The following KHDRBS1 variants were observed in gnomAD, a reference collection of about 807,000 sequenced individuals.
KHDRBS1 encodes the protein KH domain-containing, RNA-binding, signal transduction-associated protein 1.
Under a neutral mutation model 48.4 loss-of-function variants are expected in KHDRBS1, and 7 were observed. The ratio of observed to expected loss-of-function variants is 0.14; its 90% confidence interval spans 0.08 to 0.27. The LOEUF (loss-of-function observed/expected upper bound fraction) is 0.27. KHDRBS1 is among the 10% of genes least tolerant of loss of function. The pLI, the probability that KHDRBS1 is intolerant of heterozygous loss-of-function variation, is 1.00. For missense variants in KHDRBS1, 458 were observed against 601.2 expected (o/e 0.76, Z 2.49); for synonymous variants, 241 against 235.8 (o/e 1.02, Z -0.20).
chr1:32,031,572 A>C lies in KHDRBS1; in HGVS notation c.556A>C (p.Arg186=). The C allele has an allele frequency of 6.2e-7, 1 of 1,611,430 alleles. No homozygotes were observed. Among genetic ancestry groups the C allele is most frequent in the Non-Finnish European group, 8.5e-7 (1 of 1,179,252 alleles). ...TGGACCACAAGGGAATACAATCAAA[A>C]GACTGCAGGAAGAGACTGGTGCAAA... ...ILGPQGNTIK[R]LQEETGAKIS... The change falls in exon 3 of 9, where the codon AGA becomes CGA. Residue 186 remains arginine, a synonymous_variant. Coordinates refer to ENST00000327300, the MANE Select transcript of KHDRBS1 (RefSeq NM_006559.3).
intron 8 of KHDRBS1, among the ~76,000 whole-genome samples, chr1:32,041,567 G>A (rs1557898154): frequency 6.7e-6 from 1 of 150,300 alleles, no homozygotes; most frequent in Non-Finnish European, 1.5e-5. Context: ...CTTAAGAAAG[G>A]AGATAAGGAA....
Position 32,030,339 on chromosome 1 carries a change from G to A in KHDRBS1, c.424G>A (p.Glu142Lys), listed in dbSNP as rs1639058122. The change falls in exon 2 of 9, where the codon GAG (glutamate) becomes AAG (lysine). Residue 142 changes from glutamate to lysine, a missense_variant. By Grantham distance (56) the Glu-to-Lys change is moderately conservative. Around this residue, in one of 3 missense-constraint regions of KHDRBS1, gnomAD observed 213 missense variants for 215.6 expected, o/e 0.99. Transcript: ENST00000327300. Reference sequence around the variant, plus strand: ...GAAAGGAGACTCAAAAAAGGATGATGAGGAGAATTACTTGGATTTATTTTC... The same window carrying A: ...GAAAGGAGACTCAAAAAAGGATGATAAGGAGAATTACTTGGATTTATTTTC... ...IQKGDSKKDD[E>K]ENYLDLFSHK... The A allele has an allele frequency of 6.2e-7, 1 of 1,611,344 alleles. No individual in the cohort carries two copies. Among genetic ancestry groups the A allele is most frequent in the Non-Finnish European group, 8.5e-7 (1 of 1,178,202 alleles).
chr1:32,023,751 TGAAAAA>T (rs759739755), intron 1 of KHDRBS1, among the ~76,000 whole-genome samples: 37 of 152,134 alleles, frequency 2.4e-4, no homozygotes, highest in Admixed American at 9.2e-4. Context: ...CATACAGAGT[TGAAAAA>T]GAAAAAAGAA....
intron 6 of KHDRBS1, 40 bp from the exon 7 acceptor site, chr1:32,038,512 T>C: frequency 1.3e-6 from 2 of 1,596,908 alleles, no homozygotes; most frequent in Non-Finnish European, 1.7e-6. Flanking sequence ...TCTCTATGAT[T>C]TTGATCTTTT....
At chr1:32,056,223 AC>A (rs1252399638) in intron 10 of KHDRBS1, among the ~76,000 whole-genome samples, 1 of 117,702 alleles carries the variant, frequency 8.5e-6, no homozygotes, top group African/African-American at 3.4e-5. Flanking sequence ...ACACAAGCTA[AC>A]CCCATCCTTA....
chr1:32,032,250 G>A (rs560962571), intron 3 of KHDRBS1, among the ~76,000 whole-genome samples: 1 of 152,208 alleles, frequency 6.6e-6, no homozygotes, highest in South Asian at 2.1e-4. Flanking sequence ...AGCCTTCTGG[G>A]GTCACCTTAT....
At position 32,036,767 on chromosome 1, in the gene KHDRBS1, T is replaced by C. The variant is rs900797231; in HGVS notation, c.772-143T>C. ...CAAAGAGGTGACAGATAGGGTGCCA[T>C]TTGACTTCAGAGAAGGAATGACCTG... On this transcript the variant is annotated intron_variant, in intron 4 of 8. Transcript: ENST00000327300. The C allele has an allele frequency of 5.2e-6, 4 of 767,582 alleles. No individual in the cohort carries two copies. In the East Asian group the frequency reaches 8.3e-5, roughly 16 times the overall value. 47.5% of individuals were successfully genotyped at this position (767,582 alleles called of 1,614,324 possible).
intron 1 of KHDRBS1, among the ~76,000 whole-genome samples, chr1:32,016,484 T>C (rs974249651): frequency 2.0e-5 from 3 of 151,928 alleles, no homozygotes; most frequent in African/African-American, 7.3e-5. Context: ...GGACAAAATA[T>C]TAAAATCTAT....
intron 1 of KHDRBS1, among the ~76,000 whole-genome samples, chr1:32,016,684 C>T (rs1281417212): frequency 6.6e-6 from 1 of 152,176 alleles, no homozygotes; most frequent in Non-Finnish European, 1.5e-5. Context: ...GAGCACTCTT[C>T]CTGTACCACC....
chr1:32,033,486 C>A, intron 4 of KHDRBS1, 152 bp downstream of exon 4: 1 of 1,005,502 alleles, frequency 9.9e-7, no homozygotes, highest in Non-Finnish European at 1.4e-6. Flanking sequence ...TAGTTCGTTA[C>A]TTGCACCTAG....
intron 1 of KHDRBS1, among the ~76,000 whole-genome samples, chr1:32,016,622 G>A (rs947447721): frequency 1.6e-4 from 24 of 152,140 alleles, no homozygotes; most frequent in African/African-American, 5.6e-4. Flanking sequence ...GCTTGGGACT[G>A]TGGCTCCTCC....
rs34505125 is a variant in KHDRBS1, at chr1:32,017,600, CTTT to C, written c.382+3245_382+3247del. Among the ~76,000 whole-genome samples, 9 of 73,812 alleles carry C rather than the reference CTTT, an allele frequency of 1.2e-4. No individual in the cohort carries two copies. The East Asian group carries it at 2.2e-3, about 18-fold the overall frequency. The allele number at this position is 73,812 out of a possible 152,430, so 48.4% of individuals were successfully genotyped here. ...TATAGATACCAGTGTTCTTTTTCTACTTTTTTTTTTTTTTTTTTTTTTTTGAGA... is the reference window on the plus strand; with the variant it reads ...TATAGATACCAGTGTTCTTTTTCTACTTTTTTTTTTTTTTTTTTTTTGAGA... On this transcript the variant is annotated intron_variant, in intron 1 of 8. Coordinates refer to ENST00000327300, the MANE Select transcript of KHDRBS1 (RefSeq NM_006559.3).
intron 3 of KHDRBS1, 40 bp from the exon 4 acceptor site, chr1:32,033,148 C>T (rs762885104): frequency 9.5e-6 from 15 of 1,580,892 alleles, no homozygotes; most frequent in Non-Finnish European, 1.3e-5. Context: ...GTGTTTTCTC[C>T]CTAGTCCATG....
rs552463105 is a variant in KHDRBS1, at chr1:32,056,035, A to G, written n.1302-4128A>G. 1.1e-3 allele frequency among the ~76,000 whole-genome samples: 172 copies of G among 152,294 alleles called. 1 individual carries two copies. Among genetic ancestry groups the G allele is most frequent in the Middle Eastern group, 3.4e-3 (1 of 294 alleles). On this transcript the variant is annotated intron_variant and non_coding_transcript_variant, in intron 10 of 10. Coordinates refer to the KHDRBS1 transcript ENST00000484270. Reference sequence around the variant, plus strand: ...AGCTCTCTTCTAAAAGGAGAGAGACATGTATCTGGAAGGGATGTGAATTTC... The same window carrying G: ...AGCTCTCTTCTAAAAGGAGAGAGACGTGTATCTGGAAGGGATGTGAATTTC...
intron 1 of KHDRBS1, among the ~76,000 whole-genome samples, chr1:32,024,564 C>G (rs971278809): frequency 6.6e-6 from 1 of 151,848 alleles, no homozygotes; most frequent in East Asian, 1.9e-4. Flanking sequence ...TGGGCTCAAG[C>G]AATCCTCCCA....
chr1:32,056,666 C>T (rs1234052915), intron 10 of KHDRBS1, among the ~76,000 whole-genome samples: 1 of 152,192 alleles, frequency 6.6e-6, no homozygotes, highest in East Asian at 1.9e-4. Context: ...ATGGTTGCTC[C>T]TCAGGTCTCA....
rs778673209 is a variant in KHDRBS1 at position 32,042,552 on chromosome 1, G to A, written c.1260G>A (p.Arg420=). 1 of 1,613,650 alleles carries A rather than the reference G, an allele frequency of 6.2e-7. No individual in the cohort carries two copies. The highest frequency in any genetic ancestry group is 1.3e-5 in the African/African-American group (1 of 75,038). ...GCCAGGACGACTGGAATGGGACCAG[G>A]CCGTCGCTGAAGGCCCCTCCTGCTA... The part of the protein sequence containing the change: ...AYGQDDWNGT[R]PSLKAPPARP... The change falls in exon 9 of 9, where the codon AGG becomes AGA. Residue 420 remains arginine, a synonymous_variant. Transcript: ENST00000327300.
At chr1:32,052,350 GAAAA>G (rs955150416) in intron 10 of KHDRBS1, 1 of 148,614 alleles carries the variant, frequency 6.7e-6, no homozygotes, top group African/African-American at 2.5e-5. Context: ...AGAAAGAAAA[GAAAA>G]AAAGAAAGAA....
chr1:32,023,896 TTAAA>T (rs1638910381), intron 1 of KHDRBS1, among the ~76,000 whole-genome samples: 1 of 152,196 alleles, frequency 6.6e-6, no homozygotes, highest in Admixed American at 6.5e-5. Flanking sequence ...TCTTCCTTGC[TTAAA>T]TAAAGTGTGC....
Sources: gnomAD v4.1 joint callset for allele counts (sites outside exome capture counted in the v4.1 genomes callset) on GRCh38, gnomAD v4.1.1 for gene constraint, gnomAD v4.1.1 regional missense constraint, MANE v1.5 for transcripts, NCBI Gene and HGNC (gene_info 2026-07-23, HGNC 2026-07-21) for gene names.